IQCJ: variants seen among roughly 807,000 people sequenced by gnomAD.
IQCJ encodes IQ motif containing J.
Under a neutral mutation model 11.0 loss-of-function variants are expected in IQCJ, and 9 were observed. The ratio of observed to expected loss-of-function variants is 0.82; its 90% CI spans 0.49 to 1.43. The LOEUF (loss-of-function observed/expected upper bound fraction) is 1.43, where lower values mean the gene tolerates loss of function less well. IQCJ is among the 40% of genes most tolerant of loss of function. The pLI is 0.00. For missense variants in IQCJ, 146 were observed against 133.2 expected, an observed-to-expected ratio of 1.10 and a Z score of -0.47; for synonymous variants, 55 against 51.3, an observed-to-expected ratio of 1.07 and a Z score of -0.31.
chr3:159,090,358 C>T (rs556498909), intron 1 of IQCJ, among the ~76,000 whole-genome samples: 13 of 151,938 alleles, frequency 8.6e-5, no homozygotes, highest in South Asian at 2.1e-4. Flanking sequence ...AGAAATCACC[C>T]GTCTTCTGCG....
intron 1 of IQCJ, among the ~76,000 whole-genome samples, chr3:159,179,666 T>A (rs938766436): frequency 2.6e-5 from 4 of 152,198 alleles, no homozygotes; most frequent in African/African-American, 9.6e-5. Flanking sequence ...TTAAGCACAT[T>A]TCTATGAAAA....
intron 1 of IQCJ, among the ~76,000 whole-genome samples, chr3:159,245,123 A>G (rs115463619): frequency 0.022 from 3,343 of 152,078 alleles, 113 homozygotes; most frequent in African/African-American, 0.077. Flanking sequence ...GTGTGTGTGT[A>G]TGTGTGTGTC....
At chr3:159,237,262 T>C (rs1051152990) in intron 1 of IQCJ, among the ~76,000 whole-genome samples, 1 of 152,118 alleles carries the variant, frequency 6.6e-6, no homozygotes, top group African/African-American at 2.4e-5. Flanking sequence ...ACAATAGAAG[T>C]GGTCGAGATT....
At chr3:159,133,671 G>T (rs532954292) in intron 1 of IQCJ, among the ~76,000 whole-genome samples, 1 of 152,064 alleles carries the variant, frequency 6.6e-6, no homozygotes, top group Non-Finnish European at 1.5e-5. Context: ...TTTATAGTTC[G>T]CTGGAATGGG....
In IQCJ at chr3:159,262,660, A is replaced by G. The variant is rs762067284; in HGVS notation, c.268A>G (p.Thr90Ala). The change falls in exon 4 of 4, where the codon ACC becomes GCC. Residue 90 changes from threonine (T) to alanine (A), a missense_variant. Physicochemically the swap from Thr to Ala is moderately conservative, Grantham distance 58 (BLOSUM62 0). Transcript: ENST00000397832. ...EKLSSSVSMN[T>A]FSDSSTPVSV... is the part of the protein sequence containing the mutation. ...GCTGAGCAGCTCTGTCAGCATGAAC[A>G]CCTTCTCCGACAGCAGCACACCCGT... The G allele has an allele frequency of 1.2e-6, 2 of 1,613,794 alleles. No homozygotes were observed. The highest frequency in any genetic ancestry group is 1.7e-5 in the Admixed American group (1 of 59,998).
chr3:159,126,788 A>G (rs900439210), intron 1 of IQCJ, among the ~76,000 whole-genome samples: 9 of 151,994 alleles, frequency 5.9e-5, no homozygotes, highest in Non-Finnish European at 1.2e-4. Flanking sequence ...TCATTTGTTG[A>G]TAAAGGACTT....
chr3:159,237,897 A>C (rs1726684732), intron 1 of IQCJ, among the ~76,000 whole-genome samples: 1 of 152,206 alleles, frequency 6.6e-6, no homozygotes. Context: ...AGAATTGCAA[A>C]GACAGGGCAA....
chr3:159,146,152 C>G (rs370031337), intron 1 of IQCJ, among the ~76,000 whole-genome samples: 1 of 152,150 alleles, frequency 6.6e-6, no homozygotes, highest in Non-Finnish European at 1.5e-5. Context: ...TGAGTAGAGA[C>G]CATCCCACTA....
downstream of IQCJ, chr3:159,263,805 A>C: frequency 5.1e-6 from 5 of 985,328 alleles, no homozygotes; most frequent in Non-Finnish European, 6.0e-6. Context: ...ATAGCAGTGC[A>C]AATAAAAGTG....
At chr3:159,124,441 G>T (rs537288425) in intron 1 of IQCJ, among the ~76,000 whole-genome samples, 92 of 152,200 alleles carry the variant, frequency 6.0e-4, no homozygotes, top group African/African-American at 2.1e-3. Context: ...GCACCCTGTT[G>T]TACTGCCCTC....
At chr3:159,071,990 G>T (rs1282252024) in intron 1 of IQCJ, among the ~76,000 whole-genome samples, 2 of 152,018 alleles carry the variant, frequency 1.3e-5, no homozygotes, top group Non-Finnish European at 2.9e-5. Context: ...TGCATCCATA[G>T]CTGAAAATAT....
At chr3:159,173,841 A>G (rs1722631282) in intron 1 of IQCJ, among the ~76,000 whole-genome samples, 1 of 152,128 alleles carries the variant, frequency 6.6e-6, no homozygotes, top group African/African-American at 2.4e-5. Flanking sequence ...TTCTTGTTGC[A>G]TGTCTTTTTC....
chr3:159,262,425 T>C (rs1219405534), intron 3 of IQCJ, 123 bp from the exon 4 acceptor site: 25 of 1,423,450 alleles, frequency 1.8e-5, no homozygotes, highest in Non-Finnish European at 2.2e-5. Context: ...ACATTCTGTA[T>C]GTTCTACTTC....
chr3:159,198,271 A>G (rs56197574), intron 1 of IQCJ, among the ~76,000 whole-genome samples: 24,996 of 152,126 alleles, frequency 0.16, 2,658 homozygotes, highest in South Asian at 0.36. Context: ...TTGCAGAGGC[A>G]AGTTTCTCTG....
chr3:159,144,523 G>A (rs939748849), intron 1 of IQCJ, among the ~76,000 whole-genome samples: 1 of 152,130 alleles, frequency 6.6e-6, no homozygotes, highest in Non-Finnish European at 1.5e-5. Flanking sequence ...GCAATGTTAA[G>A]TGACCTGTTC....
chr3:159,136,688 AG>A (rs1720309062), intron 1 of IQCJ, among the ~76,000 whole-genome samples: 1 of 152,160 alleles, frequency 6.6e-6, no homozygotes, highest in Non-Finnish European at 1.5e-5. Flanking sequence ...CTCTTTTATA[AG>A]GCCACTAAAA....
chr3:159,124,854 A>G (rs1256284480), intron 1 of IQCJ, among the ~76,000 whole-genome samples: 1 of 152,240 alleles, frequency 6.6e-6, no homozygotes, highest in African/African-American at 2.4e-5. Context: ...AATGACAATA[A>G]GAGTGGTTAA....
chr3:159,203,089 T>C (rs1326339023), intron 1 of IQCJ, among the ~76,000 whole-genome samples: 2 of 151,634 alleles, frequency 1.3e-5, no homozygotes, highest in Non-Finnish European at 2.9e-5. Flanking sequence ...ATTAACAAAA[T>C]CTCTTTCTCC....
chr3:159,072,626 C>A (rs1474359714), intron 1 of IQCJ, among the ~76,000 whole-genome samples: 7 of 152,014 alleles, frequency 4.6e-5, no homozygotes, highest in African/African-American at 1.4e-4. Flanking sequence ...ATTTTAAAAT[C>A]TACATAATAA....
Sources: allele counts gnomAD v4.1 joint callset (sites outside exome capture counted in the v4.1 genomes callset), GRCh38; gene constraint gnomAD v4.1.1; transcripts MANE v1.5; gene names NCBI Gene and HGNC (gene_info 2026-07-23, HGNC 2026-07-21).